CACNG5: variants seen among roughly 807,000 people sequenced by gnomAD.
CACNG5 encodes the protein voltage-dependent calcium channel gamma-5 subunit.
Under a neutral mutation model 24.8 loss-of-function variants are expected in CACNG5, and 18 were observed. The ratio of observed to expected loss-of-function variants is 0.73; its 90% confidence interval spans 0.50 to 1.08. The LOEUF (loss-of-function observed/expected upper bound fraction) is 1.08, where lower values mean the gene tolerates loss of function less well. Among genes scored for constraint, CACNG5 ranks in the 50% least tolerant of loss-of-function variants. CACNG5 has a pLI of 0.00. For missense variants in CACNG5, 349 were observed against 367.9 expected (o/e 0.95, Z 0.42); for synonymous variants, 157 against 149.1 (o/e 1.05, Z -0.39).
chr17:66,893,738 G>A lies in CACNG5; in HGVS notation c.*8498G>A, dbSNP rs550717026. 5.6e-5 allele frequency among the ~76,000 whole-genome samples: 7 copies of A among 124,632 alleles called. No individual in the cohort carries two copies. The highest frequency in any genetic ancestry group is 9.1e-5 in the African/African-American group (3 of 32,824). The allele number at this position is 124,632 out of a possible 152,430, so 81.8% of individuals were successfully genotyped here. A position where few individuals can be genotyped will look rare whatever the true frequency, so the allele number is the denominator to read the frequency against. On this transcript the variant is annotated 3_prime_UTR_variant, in exon 6 of 6. Coordinates refer to ENST00000533854, the MANE Select transcript of CACNG5 (RefSeq NM_145811.3). The stretch of plus-strand genomic sequence containing the variant: ...CAGGTGAGACCCGCCCCCCCAACCC[G>A]GCATTCTGAAGCCCTTCAGCTGGAG...
chr17:66,884,859 A>G, intron 5 of CACNG5, 124 bp from the exon 6 acceptor site: 1 of 1,612,930 alleles, frequency 6.2e-7, no homozygotes, highest in African/African-American at 1.3e-5. Context: ...TGTCCCCAGG[A>G]CCCTGCTCCT....
At chr17:66,844,776 G>T in intron 1 of CACNG5, among the ~76,000 whole-genome samples, 1 of 152,248 alleles carries the variant, frequency 6.6e-6, no homozygotes, top group East Asian at 1.9e-4. Flanking sequence ...CATTTTATAG[G>T]TGAAGAAACT....
At chr17:66,863,981 C>T (rs999067779) in intron 1 of CACNG5, among the ~76,000 whole-genome samples, 5 of 152,164 alleles carry the variant, frequency 3.3e-5, no homozygotes, top group Non-Finnish European at 5.9e-5. Context: ...TGTTTTCATG[C>T]CTCTTGATAT....
At chr17:66,852,688 G>A (rs1976721704) in intron 1 of CACNG5, among the ~76,000 whole-genome samples, 1 of 152,074 alleles carries the variant, frequency 6.6e-6, no homozygotes. Context: ...AAAGTATCTT[G>A]TGCCTCTTTG....
intron 1 of CACNG5, among the ~76,000 whole-genome samples, chr17:66,836,332 A>G (rs1176020385): frequency 6.6e-6 from 1 of 152,176 alleles, no homozygotes; most frequent in Non-Finnish European, 1.5e-5. Flanking sequence ...TGGGGAACAC[A>G]AGATGGGGCT....
chr17:66,851,578 T>C (rs929471916), intron 1 of CACNG5, among the ~76,000 whole-genome samples: 12 of 152,136 alleles, frequency 7.9e-5, no homozygotes, highest in Non-Finnish European at 1.5e-4. Context: ...AGAAACCATA[T>C]TAAAATAACA....
chr17:66,857,065 G>GTTTTTTTT (rs56153121), intron 1 of CACNG5, among the ~76,000 whole-genome samples: 24 of 94,032 alleles, frequency 2.6e-4, no homozygotes, highest in Non-Finnish European at 3.8e-4. Flanking sequence ...CAATTTTTAA[G>GTTTTTTTT]TTTTTTTTTT....
chr17:66,869,455 C>A (rs1451614293), intron 1 of CACNG5, among the ~76,000 whole-genome samples: 1 of 152,154 alleles, frequency 6.6e-6, no homozygotes, highest in Non-Finnish European at 1.5e-5. Flanking sequence ...CTTGATAAGT[C>A]TTTCATAAGT....
chr17:66,884,979 G>A lies in CACNG5; in HGVS notation c.571-4G>A, dbSNP rs1412645457. On this transcript the variant is annotated splice_polypyrimidine_tract_variant and splice_region_variant and intron_variant, in intron 5 of 5. Coordinates refer to ENST00000533854, the MANE Select transcript of CACNG5 (RefSeq NM_145811.3). ...GCCCATCCTCTGCTGTCTTCTCCCT[G>A]TAGAGTGCCGGGGTGATGTCTGTGT... 7 of 1,614,122 alleles carry A rather than the reference G, an allele frequency of 4.3e-6. No individual in the cohort carries two copies. The highest frequency in any genetic ancestry group is 4.5e-5 in the East Asian group (2 of 44,858).
At chr17:66,836,896 C>T (rs1976488097) in intron 1 of CACNG5, among the ~76,000 whole-genome samples, 1 of 152,238 alleles carries the variant, frequency 6.6e-6, no homozygotes, top group South Asian at 2.1e-4. Context: ...CATTCTCAGG[C>T]TTGTCAGCTG....
In CACNG5 at chr17:66,852,357, T is replaced by A. The variant is rs1452800001; in HGVS notation, c.-104+17107T>A. On this transcript the variant is annotated intron_variant, in intron 1 of 5. Transcript: ENST00000533854. Reference sequence around the variant, plus strand: ...TGGGAATTCTTAGTCTCCATAATCATGTGAGCCAATTCCGGCAGCAAATCC... The same window carrying A: ...TGGGAATTCTTAGTCTCCATAATCAAGTGAGCCAATTCCGGCAGCAAATCC... Among the ~76,000 whole-genome samples the A allele has an allele frequency of 2.6e-5, 4 of 152,274 alleles. No individual in the cohort carries two copies. In the South Asian group the frequency reaches 6.2e-4, roughly 24 times the overall value.
rs1977091887 is a variant in CACNG5 at position 66,877,229 on chromosome 17, G to T, written c.-103-1G>T. On this transcript the variant is annotated splice_acceptor_variant, in intron 1 of 5. Coordinates refer to ENST00000533854, the MANE Select transcript of CACNG5 (RefSeq NM_145811.3). LOFTEE classifies it low-confidence loss of function (5UTR_SPLICE). ...CTGGCTCCTCATCTTCGTCTTCTCA[G>T]AGCCGTGGGTACTGCCACCTGCTCA... 8 of 922,634 alleles carry T rather than the reference G, an allele frequency of 8.7e-6. No homozygotes were observed. The South Asian group carries it at 1.3e-4, about 15-fold the overall frequency. 57.2% of individuals were successfully genotyped at this position (922,634 alleles called of 1,614,324 possible). A position where few individuals can be genotyped will look rare whatever the true frequency, so the allele number is the denominator to read the frequency against.
At chr17:66,880,755 T>G (rs1973655407) in intron 4 of CACNG5, 58 bp downstream of exon 4, 6 of 1,594,804 alleles carry the variant, frequency 3.8e-6, no homozygotes, top group Non-Finnish European at 2.6e-6. Context: ...TTGTTTTTTG[T>G]TTTTGAGACA....
chr17:66,856,563 A>G (rs1361966594), intron 1 of CACNG5, among the ~76,000 whole-genome samples: 1 of 140,724 alleles, frequency 7.1e-6, no homozygotes, highest in East Asian at 2.2e-4. Context: ...TTTTTTTGAG[A>G]CAGAGTCTCG....
chr17:66,858,652 G>A (rs534017911), intron 1 of CACNG5, among the ~76,000 whole-genome samples: 91 of 152,158 alleles, frequency 6.0e-4, no homozygotes, highest in Middle Eastern at 3.4e-3. Context: ...ATTGCTGGCT[G>A]AGGAACAGGG....
At chr17:66,843,965 A>G (rs1976602063) in intron 1 of CACNG5, among the ~76,000 whole-genome samples, 1 of 111,746 alleles carries the variant, frequency 8.9e-6, no homozygotes, top group Non-Finnish European at 1.9e-5. Flanking sequence ...ACTCGGGGGG[A>G]GAGAGCCTGG....
At chr17:66,836,775 A>T (rs2144492335) in intron 1 of CACNG5, among the ~76,000 whole-genome samples, 1 of 152,306 alleles carries the variant, frequency 6.6e-6, no homozygotes, top group Non-Finnish European at 1.5e-5. Flanking sequence ...TCAACGGAAG[A>T]TAGAGGTGGC....
At chr17:66,850,239 T>C (rs1976695430) in intron 1 of CACNG5, among the ~76,000 whole-genome samples, 1 of 152,196 alleles carries the variant, frequency 6.6e-6, no homozygotes. Flanking sequence ...TGAAATGGAC[T>C]GGGGGAGGGG....
chr17:66,844,059 C>A (rs1024180265), intron 1 of CACNG5, among the ~76,000 whole-genome samples: 1 of 152,112 alleles, frequency 6.6e-6, no homozygotes, highest in Non-Finnish European at 1.5e-5. Flanking sequence ...GAGCCAGATG[C>A]TTGCAAGAGC....
Sources: gnomAD v4.1 joint callset for allele counts (sites outside exome capture counted in the v4.1 genomes callset) on GRCh38, gnomAD v4.1.1 for gene constraint, MANE v1.5 for transcripts, NCBI Gene and HGNC (gene_info 2026-07-23, HGNC 2026-07-21) for gene names.